RBFOX1: variants seen among roughly 807,000 people sequenced by gnomAD.
RBFOX1 encodes RNA binding protein fox-1 homolog 1.
Under a neutral mutation model 57.7 loss-of-function variants are expected in RBFOX1, and 8 were observed. The ratio of observed to expected loss-of-function variants is 0.14; its 90% confidence interval spans 0.08 to 0.25. The LOEUF (loss-of-function observed/expected upper bound fraction) is 0.25. Among genes scored for constraint, RBFOX1 ranks in the 10% least tolerant of loss-of-function variants. The pLI is 1.00. For synonymous variants in RBFOX1, 326 were observed against 222.4 expected (o/e 1.47, Z -4.15); for missense variants, 611 against 548.5 (o/e 1.11, Z -1.14).
intron 4 of RBFOX1, among the ~76,000 whole-genome samples, chr16:5,955,118 T>TGAAAAA (rs2059599305): frequency 1.4e-4 from 2 of 14,286 alleles, no homozygotes; most frequent in Non-Finnish European, 2.2e-4. Context: ...CCATCTCTAC[T>TGAAAAA]AAAAAAAAAA....
chr16:5,684,498 G>T (rs772485985), intron 3 of RBFOX1, among the ~76,000 whole-genome samples: 2 of 152,094 alleles, frequency 1.3e-5, no homozygotes, highest in African/African-American at 2.4e-5. Flanking sequence ...GTGTAGGTTT[G>T]TGTGTGTGTC....
At chr16:7,217,612 T>A (rs1170541023) in intron 4 of RBFOX1, among the ~76,000 whole-genome samples, 3 of 152,144 alleles carry the variant, frequency 2.0e-5, no homozygotes, top group African/African-American at 7.2e-5. Flanking sequence ...TCTGAGAATA[T>A]AATCAATTAC....
chr16:5,842,297 ATTG>A (rs2056644745), intron 3 of RBFOX1, among the ~76,000 whole-genome samples: 2 of 151,980 alleles, frequency 1.3e-5, no homozygotes, highest in South Asian at 2.1e-4. Context: ...ATAATTTAAC[ATTG>A]TTGTTCCCTC....
intron 4 of RBFOX1, among the ~76,000 whole-genome samples, chr16:7,149,096 C>T (rs939526259): frequency 6.6e-6 from 1 of 152,176 alleles, no homozygotes; most frequent in Non-Finnish European, 1.5e-5. Flanking sequence ...CAGTGGGAGA[C>T]AGTCTTTGAA....
chr16:7,472,201 T>TA (rs974203141), intron 4 of RBFOX1, among the ~76,000 whole-genome samples: 1 of 152,204 alleles, frequency 6.6e-6, no homozygotes. Context: ...GATAGAAAGA[T>TA]ATAGACATAG....
chr16:6,412,390 A>G (rs956802256), intron 2 of RBFOX1, among the ~76,000 whole-genome samples: 6 of 152,166 alleles, frequency 3.9e-5, no homozygotes, highest in African/African-American at 1.4e-4. Flanking sequence ...TACCTTTTAA[A>G]GGAGGCCTTA....
At chr16:6,829,592 T>C (rs1038598151) in intron 3 of RBFOX1, among the ~76,000 whole-genome samples, 3 of 151,890 alleles carry the variant, frequency 2.0e-5, no homozygotes, top group Non-Finnish European at 4.4e-5. Flanking sequence ...GTAATATGAA[T>C]GTATTTTCTT....
At chr16:6,831,188 G>A (rs535590870) in intron 3 of RBFOX1, among the ~76,000 whole-genome samples, 6 of 152,334 alleles carry the variant, frequency 3.9e-5, no homozygotes, top group Admixed American at 1.3e-4. Context: ...GGTGGGGAAT[G>A]AGAGAGGAGA....
intron 2 of RBFOX1, among the ~76,000 whole-genome samples, chr16:6,444,310 A>G (rs1174409768): frequency 1.3e-5 from 2 of 152,064 alleles, no homozygotes; most frequent in African/African-American, 2.4e-5. Context: ...TCCAAAAGCC[A>G]ATGTTCCAAG....
chr16:7,068,938 G>A (rs1414532024), intron 4 of RBFOX1, among the ~76,000 whole-genome samples: 1 of 152,192 alleles, frequency 6.6e-6, no homozygotes, highest in African/African-American at 2.4e-5. Flanking sequence ...CTCACGAAGT[G>A]TGTCAAGTAA....
chr16:6,623,911 A>G (rs1218253977), intron 2 of RBFOX1, among the ~76,000 whole-genome samples: 1 of 152,170 alleles, frequency 6.6e-6, no homozygotes, highest in East Asian at 1.9e-4. Context: ...ACATGTGTGC[A>G]TGTGTCTTTA....
intron 3 of RBFOX1, among the ~76,000 whole-genome samples, chr16:5,749,485 T>C (rs2053112940): frequency 6.6e-6 from 1 of 152,208 alleles, no homozygotes; most frequent in Non-Finnish European, 1.5e-5. Flanking sequence ...CCATTCTCCC[T>C]GTCACTTTCA....
At chr16:6,894,892 A>G (rs2066382504) in intron 3 of RBFOX1, among the ~76,000 whole-genome samples, 1 of 152,194 alleles carries the variant, frequency 6.6e-6, no homozygotes, top group Non-Finnish European at 1.5e-5. Context: ...CATAAGTAGC[A>G]TGTGGCTTTC....
At chr16:6,352,280 G>C (rs567499487) in intron 2 of RBFOX1, among the ~76,000 whole-genome samples, 2 of 152,216 alleles carry the variant, frequency 1.3e-5, no homozygotes, top group Admixed American at 1.3e-4. Flanking sequence ...TTTAGGCAGG[G>C]GGGTTGTTTC....
At chr16:5,913,028 C>G (rs1311775239) in intron 4 of RBFOX1, among the ~76,000 whole-genome samples, 2 of 152,142 alleles carry the variant, frequency 1.3e-5, no homozygotes, top group Non-Finnish European at 2.9e-5. Flanking sequence ...AGTCTAAGTT[C>G]AGACTCTAGC....
intron 2 of RBFOX1, among the ~76,000 whole-genome samples, chr16:5,578,684 G>C (rs2046552256): frequency 6.6e-6 from 1 of 152,056 alleles, no homozygotes; most frequent in Non-Finnish European, 1.5e-5. Flanking sequence ...CGGCAAAAAT[G>C]AAACTCATCC....
intron 4 of RBFOX1, among the ~76,000 whole-genome samples, chr16:7,222,992 G>T (rs2092839776): frequency 6.6e-6 from 1 of 152,058 alleles, no homozygotes; most frequent in Non-Finnish European, 1.5e-5. Context: ...TGGGCTGCAT[G>T]GTCAGACCCA....
chr16:6,997,067 A>G (rs2153624778), intron 3 of RBFOX1, among the ~76,000 whole-genome samples: 1 of 152,298 alleles, frequency 6.6e-6, no homozygotes. Context: ...AGACAGATGA[A>G]AAATAATAAA....
intron 1 of RBFOX1, among the ~76,000 whole-genome samples, chr16:6,047,953 T>C (rs1040389607): frequency 1.3e-5 from 2 of 152,206 alleles, no homozygotes; most frequent in Non-Finnish European, 2.9e-5. Context: ...TGTCTGCATG[T>C]TGGAGGCACA....
Sources: gnomAD v4.1 joint callset for allele counts (sites outside exome capture counted in the v4.1 genomes callset) on GRCh38, gnomAD v4.1.1 for gene constraint, MANE v1.5 for transcripts, NCBI Gene and HGNC (gene_info 2026-07-23, HGNC 2026-07-21) for gene names.